ABCB5: variants seen among roughly 807,000 people sequenced by gnomAD.
ABCB5 encodes the protein ATP binding cassette subfamily B member 5.
In ABCB5, 155 loss-of-function variants were observed where a neutral mutation model predicts 144.2. The observed-to-expected ratio is 1.08, with a 90% CI of 0.94 to 1.23. The LOEUF (loss-of-function observed/expected upper bound fraction) is 1.23, where lower values mean the gene tolerates loss of function less well. Ranked by LOEUF, ABCB5 falls within the 50% of genes most tolerant of loss-of-function variation. The probability of loss-of-function intolerance (pLI) is 0.00; values close to 1 mark genes in which losing one functional copy is unlikely to be tolerated. For synonymous variants in ABCB5, 610 were observed against 528.6 expected, an observed-to-expected ratio of 1.15 and a Z score of -2.11; for missense variants, 1,830 against 1,520.8, an observed-to-expected ratio of 1.20 and a Z score of -3.38.
At chr7:20,659,369 G>A (rs1300731325) in intron 14 of ABCB5, 10 of 1,253,862 alleles carry the variant, frequency 8.0e-6, no homozygotes, top group Non-Finnish European at 8.0e-6. Context: ...ATTTTACTTT[G>A]CATTTGCTTG....
intron 23 of ABCB5, among the ~76,000 whole-genome samples, chr7:20,733,641 C>CTTTTTTTTTT (rs869097054): frequency 7.8e-6 from 1 of 127,676 alleles, no homozygotes. Flanking sequence ...CTTTTCTTTT[C>CTTTTTTTTTT]TTTTTTTTTT....
intron 5 of ABCB5, among the ~76,000 whole-genome samples, chr7:20,637,948 G>C (rs1049947892): frequency 9.2e-5 from 14 of 152,122 alleles, no homozygotes; most frequent in African/African-American, 2.9e-4. Context: ...TTCATTTCTT[G>C]ATGCAAAATT....
intron 5 of ABCB5, among the ~76,000 whole-genome samples, chr7:20,642,901 C>T (rs374447885): frequency 6.6e-6 from 1 of 152,040 alleles, no homozygotes; most frequent in East Asian, 1.9e-4. Context: ...CTCAATGGAA[C>T]TTTTTCATAT....
chr7:20,678,777 A>C (rs968812962), intron 14 of ABCB5, among the ~76,000 whole-genome samples: 2 of 152,252 alleles, frequency 1.3e-5, no homozygotes, highest in African/African-American at 4.8e-5. Flanking sequence ...GTGCAGTGAC[A>C]GACAAGCTGA....
intron 23 of ABCB5, 147 bp downstream of exon 23, chr7:20,728,602 A>T (rs1782113591): frequency 1.7e-5 from 16 of 956,776 alleles, no homozygotes; most frequent in Non-Finnish European, 2.0e-5. Context: ...AAAAATACAA[A>T]AATTAGCTGG....
intron 3 of ABCB5, among the ~76,000 whole-genome samples, chr7:20,626,851 T>TGG (rs1491212970): frequency 2.0e-4 from 23 of 115,774 alleles, no homozygotes; most frequent in Admixed American, 1.2e-3. Flanking sequence ...AAAGTGTTTT[T>TGG]GGGGTGTGTG....
chr7:20,754,941 G>C (rs1246937842), intron 27 of ABCB5, among the ~76,000 whole-genome samples: 5 of 151,586 alleles, frequency 3.3e-5, no homozygotes, highest in Non-Finnish European at 5.9e-5. Context: ...TAATTTATCT[G>C]TAGCTAATCT....
At chr7:20,693,530 A>T (rs537755066) in intron 16 of ABCB5, among the ~76,000 whole-genome samples, 6 of 152,186 alleles carry the variant, frequency 3.9e-5, no homozygotes, top group Admixed American at 6.5e-5. Flanking sequence ...TCAAAAGAGA[A>T]ACTCAAAAGT....
intron 26 of ABCB5, among the ~76,000 whole-genome samples, chr7:20,746,387 C>A (rs950065629): frequency 1.2e-4 from 18 of 152,294 alleles, no homozygotes; most frequent in Non-Finnish European, 2.1e-4. Context: ...CGTGAGCCAT[C>A]GCGCCCGGCA....
At chr7:20,630,746 G>A (rs1374969315) in intron 4 of ABCB5, among the ~76,000 whole-genome samples, 1 of 152,142 alleles carries the variant, frequency 6.6e-6, no homozygotes, top group Non-Finnish European at 1.5e-5. Context: ...AAGGCCATCT[G>A]CTTGGGCGTA....
Position 20,651,459 on chromosome 7 carries a change from C to A in ABCB5, c.1372C>A (p.Arg458=). 3 of 1,613,872 alleles carry A rather than the reference C, an allele frequency of 1.9e-6. No individual in the cohort carries two copies. The highest frequency in any genetic ancestry group is 1.7e-6 in the Non-Finnish European group (2 of 1,179,970). ...GAATGACATCAGAGCTTTAAATGTGCGGCATTATCGAGACCATATTGGAGT... is the reference window on the plus strand; with the variant it reads ...GAATGACATCAGAGCTTTAAATGTGAGGCATTATCGAGACCATATTGGAGT... ...DENDIRALNV[R]HYRDHIGVVS... The change falls in exon 13 of 28, where the codon CGG becomes AGG. Residue 458 remains arginine, a synonymous_variant. Coordinates refer to ENST00000404938, the MANE Select transcript of ABCB5 (RefSeq NM_001163941.2).
At chr7:20,745,816 A>G (rs1782701829) in intron 26 of ABCB5, among the ~76,000 whole-genome samples, 1 of 152,176 alleles carries the variant, frequency 6.6e-6, no homozygotes, top group South Asian at 2.1e-4. Flanking sequence ...TCTTTTAAAA[A>G]CAAATTAGAT....
chr7:20,666,631 A>G (rs904285993), intron 14 of ABCB5: 4 of 1,211,882 alleles, frequency 3.3e-6, no homozygotes, highest in Admixed American at 3.5e-5. Context: ...GCAAAGTGTC[A>G]AGTAGAGACC....
intron 14 of ABCB5, among the ~76,000 whole-genome samples, chr7:20,668,963 CG>C (rs1785346104): frequency 9.4e-6 from 1 of 106,700 alleles, no homozygotes; most frequent in Non-Finnish European, 1.9e-5. Context: ...CCGCCCCGTC[CG>C]GGAGGGAGGT....
Position 20,681,487 on chromosome 7 carries a change from A to G in ABCB5, c.1708-18A>G, listed in dbSNP as rs1785825606. ...TTCTACTAATGTCTATTTATTTTCT[A>G]TGCATTTTATTCTGTAGGCGAGCAA... On this transcript the variant is annotated intron_variant, in intron 14 of 27. Transcript: ENST00000404938. 1 of 1,612,702 alleles carries G rather than the reference A, an allele frequency of 6.2e-7. No individual in the cohort carries two copies. The highest frequency in any genetic ancestry group is 8.5e-7 in the Non-Finnish European group (1 of 1,179,198).
intron 16 of ABCB5, among the ~76,000 whole-genome samples, chr7:20,689,836 AC>A (rs1171219790): frequency 6.6e-6 from 1 of 152,168 alleles, no homozygotes; most frequent in African/African-American, 2.4e-5. Flanking sequence ...GTGAATTTGA[AC>A]CAGAGAGGCA....
intron 16 of ABCB5, among the ~76,000 whole-genome samples, chr7:20,698,163 A>G (rs1786487791): frequency 6.6e-6 from 1 of 152,194 alleles, no homozygotes; most frequent in Non-Finnish European, 1.5e-5. Context: ...AATAATAGCA[A>G]CTGAGTGAAA....
intron 14 of ABCB5, among the ~76,000 whole-genome samples, 193 bp downstream of exon 14, chr7:20,658,869 G>A (rs943088906): frequency 2.0e-5 from 3 of 152,154 alleles, no homozygotes; most frequent in Admixed American, 1.3e-4. Flanking sequence ...AGATGCTGTG[G>A]TTGGTTGGTG....
At chr7:20,640,696 G>A (rs1464544261) in intron 5 of ABCB5, among the ~76,000 whole-genome samples, 1 of 152,156 alleles carries the variant, frequency 6.6e-6, no homozygotes. Flanking sequence ...GCCACTCTGT[G>A]CATGTCCATA....
Sources: gnomAD v4.1 joint callset for allele counts (sites outside exome capture counted in the v4.1 genomes callset) on GRCh38, gnomAD v4.1.1 for gene constraint, MANE v1.5 for transcripts, NCBI Gene and HGNC (gene_info 2026-07-23, HGNC 2026-07-21) for gene names.